Variants in PLXNA4 observed in about 807,000 individuals in gnomAD.
PLXNA4 encodes the protein plexin A4.
PLXNA4 carries 44 observed loss-of-function variants against 191.8 expected under a neutral mutation model. The observed-to-expected ratio is 0.23, with a 90% CI of 0.18 to 0.29. The LOEUF is 0.29. PLXNA4 is among the 10% of genes least tolerant of loss of function. PLXNA4 has a pLI of 1.00. For missense variants in PLXNA4, 1,800 were observed against 2,488.8 expected, an observed-to-expected ratio of 0.72 and a Z score of 5.89; for synonymous variants, 1,082 against 1,009.5, an observed-to-expected ratio of 1.07 and a Z score of -1.36.
intron 7 of PLXNA4, 65 bp downstream of exon 7, chr7:132,227,386 C>T: frequency 5.0e-6 from 8 of 1,601,372 alleles, no homozygotes; most frequent in Non-Finnish European, 6.8e-6. Context: ...CCACATCTGT[C>T]CTGAGTTCTC....
chr7:132,131,739 T>C (rs745997579), intron 31 of PLXNA4, among the ~76,000 whole-genome samples: 1 of 152,246 alleles, frequency 6.6e-6, no homozygotes, highest in Non-Finnish European at 1.5e-5. Context: ...ATTACACTGG[T>C]GCACACTATA....
chr7:132,552,824 AC>A (rs1289430377), intron 1 of PLXNA4, among the ~76,000 whole-genome samples: 1 of 152,074 alleles, frequency 6.6e-6, no homozygotes, highest in Non-Finnish European at 1.5e-5. Flanking sequence ...TGAGACCCTC[AC>A]CCCAAAGCCA....
intron 13 of PLXNA4, 66 bp downstream of exon 13, chr7:132,198,419 G>A: frequency 6.4e-7 from 1 of 1,554,514 alleles, no homozygotes. Context: ...TGCTGACCAG[G>A]ACATCCCTAA....
At chr7:132,381,681 A>G (rs1804898863) in intron 3 of PLXNA4, among the ~76,000 whole-genome samples, 2 of 152,222 alleles carry the variant, frequency 1.3e-5, no homozygotes, top group South Asian at 4.1e-4. Context: ...ACACTCACAC[A>G]TTTGGGATGA....
chr7:132,539,754 A>G (rs1391598030), intron 1 of PLXNA4, among the ~76,000 whole-genome samples: 1 of 152,200 alleles, frequency 6.6e-6, no homozygotes, highest in Non-Finnish European at 1.5e-5. Flanking sequence ...GCACTCATAA[A>G]TATTTGCTAA....
chr7:132,587,535 G>A (rs534655839), intron 2 of PLXNA4, among the ~76,000 whole-genome samples: 19 of 152,286 alleles, frequency 1.2e-4, no homozygotes, highest in African/African-American at 2.6e-4. Context: ...GGTTTGAGAC[G>A]TTTGTTGTTC....
At chr7:132,243,320 G>A (rs970270199) in intron 4 of PLXNA4, among the ~76,000 whole-genome samples, 11 of 152,126 alleles carry the variant, frequency 7.2e-5, no homozygotes, top group Non-Finnish European at 1.5e-4. Context: ...ATCATGCCTT[G>A]CTCAATCAAA....
rs1369209562 is a variant in PLXNA4, at chr7:132,132,809, T to C, written c.5589+240A>G. ...AGAAAATAAGAATTAAAAAAGACAA[T>C]ATAAAAGAAACAGGTACTTATTTAC... is the stretch of plus-strand genomic sequence containing the variant. On this transcript the variant is annotated intron_variant, in intron 31 of 31. Transcript: ENST00000321063. Among the ~76,000 whole-genome samples the C allele has an allele frequency of 2.0e-5, 3 of 151,906 alleles. No individual in the cohort carries two copies. In the East Asian group the frequency reaches 5.8e-4, roughly 29 times the overall value.
intron 3 of PLXNA4, among the ~76,000 whole-genome samples, chr7:132,434,677 C>T (rs895206635): frequency 6.6e-6 from 1 of 152,194 alleles, no homozygotes; most frequent in Admixed American, 6.5e-5. Flanking sequence ...AGAACATGAA[C>T]CCCATCTTGC....
intron 7 of PLXNA4, among the ~76,000 whole-genome samples, chr7:132,226,912 T>C (rs1798343797): frequency 6.6e-6 from 1 of 152,212 alleles, no homozygotes; most frequent in Non-Finnish European, 1.5e-5. Context: ...AGGGACAACA[T>C]GGAATCAATC....
intron 30 of PLXNA4, among the ~76,000 whole-genome samples, chr7:132,139,129 T>A (rs1194262816): frequency 6.6e-6 from 1 of 152,096 alleles, no homozygotes; most frequent in Non-Finnish European, 1.5e-5. Flanking sequence ...AATCAGACAC[T>A]AGGACAAAAG....
chr7:132,221,205 A>C (rs989529615), intron 9 of PLXNA4, among the ~76,000 whole-genome samples: 3 of 152,092 alleles, frequency 2.0e-5, no homozygotes, highest in Non-Finnish European at 2.9e-5. Context: ...TTCTATACTT[A>C]AAAGAAAGAA....
intron 25 of PLXNA4, among the ~76,000 whole-genome samples, chr7:132,155,842 T>G (rs547831303): frequency 2.4e-4 from 36 of 152,308 alleles, no homozygotes; most frequent in African/African-American, 8.4e-4. Flanking sequence ...GAGGGTGTCT[T>G]TCTATGAAAT....
chr7:132,172,333 A>G (rs1796311187), intron 21 of PLXNA4, among the ~76,000 whole-genome samples: 1 of 152,190 alleles, frequency 6.6e-6, no homozygotes, highest in Non-Finnish European at 1.5e-5. Flanking sequence ...TTGGTACATG[A>G]CCAGTGCCTG....
intron 3 of PLXNA4, among the ~76,000 whole-genome samples, chr7:132,400,914 G>T (rs567055113): frequency 6.6e-6 from 1 of 152,216 alleles, no homozygotes; most frequent in African/African-American, 2.4e-5. Flanking sequence ...AAAAATAGCA[G>T]GAGAAAACTG....
intron 3 of PLXNA4, among the ~76,000 whole-genome samples, chr7:132,357,864 T>A (rs1311437559): frequency 6.6e-6 from 1 of 152,224 alleles, no homozygotes; most frequent in Non-Finnish European, 1.5e-5. Flanking sequence ...CAGGCAACTC[T>A]AGTAAATAAA....
intron 4 of PLXNA4, among the ~76,000 whole-genome samples, chr7:132,286,514 C>T (rs1800689192): frequency 1.3e-5 from 2 of 152,178 alleles, no homozygotes; most frequent in Non-Finnish European, 2.9e-5. Context: ...CCTGCCAGCG[C>T]TTTCCTTAAC....
At chr7:132,140,841 G>C in intron 29 of PLXNA4, 30 bp from the exon 30 acceptor site, 6 of 1,612,318 alleles carry the variant, frequency 3.7e-6, no homozygotes, top group Non-Finnish European at 5.1e-6. Flanking sequence ...AGATGGTCAG[G>C]AAAGACGGGG....
chr7:132,333,218 T>A (rs1186040047), intron 3 of PLXNA4, among the ~76,000 whole-genome samples: 1 of 152,156 alleles, frequency 6.6e-6, no homozygotes, highest in Non-Finnish European at 1.5e-5. Flanking sequence ...TCCCTGTGTG[T>A]GGCTAGTGGG....
Sources: allele counts gnomAD v4.1 joint callset (sites outside exome capture counted in the v4.1 genomes callset), GRCh38; gene constraint gnomAD v4.1.1; transcripts MANE v1.5; gene names NCBI Gene and HGNC (gene_info 2026-07-23, HGNC 2026-07-21).